Variants in SPATA24 observed in about 807,000 individuals in gnomAD.
SPATA24 encodes spermatogenesis associated 24.
A neutral mutation model predicts 28.9 loss-of-function variants in SPATA24; 21 were observed. The ratio of observed to expected loss-of-function variants is 0.73; its 90% CI spans 0.52 to 1.05. SPATA24 has a LOEUF of 1.05. Ranked by LOEUF, SPATA24 falls within the 50% of genes least tolerant of loss-of-function variation. SPATA24 has a pLI of 0.00. For synonymous variants in SPATA24, 76 were observed against 89.9 expected (o/e 0.85, Z 0.88); for missense variants, 215 against 242.9 (o/e 0.88, Z 0.76).
In SPATA24 at chr5:139,403,971, C is replaced by T. The variant is rs1222031065; in HGVS notation, c.90G>A (p.Glu30=). 1.3e-6 allele frequency: 2 copies of T among 1,551,700 alleles called. No homozygotes were observed. The highest frequency in any genetic ancestry group is 2.7e-5 in the African/African-American group (2 of 73,058). ...CGTTCCTCAGCTGGTGGATTAGTTC[C>T]TCCTGAGACTCAATCACGTCCCGCA... ...DQLRDVIESQ[E]ELIHQLRNVM... The change falls in exon 1 of 6, where the codon GAG becomes GAA. Residue 30 remains glutamate, a synonymous_variant. Coordinates refer to ENST00000450845, the MANE Select transcript of SPATA24 (RefSeq NM_194296.2).
At chr5:139,397,267 C>T (rs545107721) in intron 4 of SPATA24, 124 bp from the exon 5 acceptor site, 3 of 663,504 alleles carry the variant, frequency 4.5e-6, no homozygotes, top group African/African-American at 3.6e-5. Context: ...CCATGAAGAA[C>T]TGCTAATACC....
chr5:139,394,443 G>A (rs1330754935), downstream of SPATA24: 2 of 1,397,012 alleles, frequency 1.4e-6, no homozygotes, highest in East Asian at 2.9e-5. Context: ...GGGGCCGGGG[G>A]CGCAGCTCGA....
At chr5:139,394,028 C>T, downstream of SPATA24, 2 of 1,550,760 alleles carry the variant, frequency 1.3e-6, no homozygotes, top group Non-Finnish European at 8.7e-7. Flanking sequence ...TTCCGCGCCT[C>T]CTGGATCTTC....
At chr5:139,395,045 T>C, downstream of SPATA24, 1 of 1,427,052 alleles carries the variant, frequency 7.0e-7, no homozygotes. Flanking sequence ...TGCCTCGGGA[T>C]CCCAGGCAGG....
intron 4 of SPATA24, among the ~76,000 whole-genome samples, chr5:139,398,435 C>A (rs1434480006): frequency 6.7e-6 from 1 of 150,270 alleles, no homozygotes; most frequent in Non-Finnish European, 1.5e-5. Flanking sequence ...ACTAGCTGGG[C>A]ATGGTGTTGG....
intron 2 of SPATA24, among the ~76,000 whole-genome samples, chr5:139,402,267 G>A (rs1434801746): frequency 6.6e-6 from 1 of 151,052 alleles, no homozygotes; most frequent in Non-Finnish European, 1.5e-5. Context: ...AGGCTGGAGT[G>A]CAGTGGCATG....
Position 139,402,173 on chromosome 5 carries a change from T to A in SPATA24, c.184-128A>T, listed in dbSNP as rs187732321. ...CACAGGGAGATTCTGGCCACCTTGC[T>A]ACAGGGGCTGGAGGTTCTCAGAGGC... is the stretch of plus-strand genomic sequence containing the variant. On this transcript the variant is annotated intron_variant, in intron 2 of 5. Transcript: ENST00000450845. 7.1e-5 allele frequency: 86 copies of A among 1,218,748 alleles called. No individual in the cohort carries two copies. The East Asian group carries it at 2.2e-3, about 31-fold the overall frequency. The allele number at this position is 1,218,748 out of a possible 1,614,324, so 75.5% of individuals were successfully genotyped here.
intron 1 of SPATA24, 60 bp from the exon 2 acceptor site, chr5:139,402,753 G>A: frequency 7.7e-7 from 1 of 1,301,390 alleles, no homozygotes; most frequent in Non-Finnish European, 1.1e-6. Flanking sequence ...CGCCCTCTAG[G>A]GACCAGGACC....
chr5:139,399,208 C>T (rs1353693224), intron 4 of SPATA24, among the ~76,000 whole-genome samples: 1 of 149,964 alleles, frequency 6.7e-6, no homozygotes, highest in Non-Finnish European at 1.5e-5. Context: ...TCCCAGCTAC[C>T]TGGGAGGCTG....
chr5:139,392,675 A>G, downstream of SPATA24: 1 of 1,396,796 alleles, frequency 7.2e-7, no homozygotes. The surrounding 1 kb of genome is among the most constrained non-coding windows in gnomAD (Gnocchi z 5.8). Flanking sequence ...ATCTGAGGGG[A>G]GCCGGGGCGG....
chr5:139,394,416 C>A, downstream of SPATA24: 4 of 1,388,296 alleles, frequency 2.9e-6, no homozygotes, highest in Non-Finnish European at 3.7e-6. Context: ...GCGCGCCGGC[C>A]GCCCTTGGGG....
At position 139,401,318 on chromosome 5, in the gene SPATA24, T is replaced by C; in HGVS notation, c.385+437A>G. 1.4e-5 allele frequency: 7 copies of C among 489,986 alleles called. 1 individual carries two copies. The South Asian group carries it at 2.2e-4, about 15-fold the overall frequency. The allele number at this position is 489,986 out of a possible 1,614,324, so 30.4% of individuals were successfully genotyped here. A position where few individuals can be genotyped will look rare whatever the true frequency, so the allele number is the denominator to read the frequency against. On this transcript the variant is annotated intron_variant, in intron 4 of 5. Transcript: ENST00000450845. ...AGAAAAATAAAAATAACTCTTAGTTTCCATTTTAAAGATCTGGCAATCCTA... is the reference window on the plus strand; with the variant it reads ...AGAAAAATAAAAATAACTCTTAGTTCCCATTTTAAAGATCTGGCAATCCTA...
chr5:139,395,144 G>C, downstream of SPATA24: 3 of 1,354,966 alleles, frequency 2.2e-6, no homozygotes, highest in Non-Finnish European at 2.9e-6. Context: ...CGCCGGCACT[G>C]TCCCCGCCCC....
downstream of SPATA24, chr5:139,394,668 CG>C: frequency 1.3e-6 from 2 of 1,534,882 alleles, no homozygotes; most frequent in Middle Eastern, 1.7e-4. Flanking sequence ...TGATGAAGGC[CG>C]GCTCCGTGAA....
At chr5:139,392,955 G>A, downstream of SPATA24, 1 of 1,508,766 alleles carries the variant, frequency 6.6e-7, no homozygotes, top group Non-Finnish European at 8.9e-7. The surrounding 1 kb of genome is among the most constrained non-coding windows in gnomAD (Gnocchi z 5.8). Flanking sequence ...TGGGCTGTGA[G>A]GCGTCCCGGG....
At chr5:139,394,714 C>T, downstream of SPATA24, 1 of 1,532,720 alleles carries the variant, frequency 6.5e-7, no homozygotes. Flanking sequence ...TGCGCCGGAG[C>T]AGCCGAACAG....
At chr5:139,392,970 C>A, downstream of SPATA24, 1 of 1,504,540 alleles carries the variant, frequency 6.6e-7, no homozygotes, top group Non-Finnish European at 8.9e-7. The surrounding 1 kb of genome is among the most constrained non-coding windows in gnomAD (Gnocchi z 5.8). Flanking sequence ...CCCGGGCGAC[C>A]GTGTCGAAGG....
chr5:139,394,225 C>G, downstream of SPATA24: 1 of 1,548,736 alleles, frequency 6.5e-7, no homozygotes, highest in Non-Finnish European at 8.7e-7. Flanking sequence ...GTGGGTGCTG[C>G]GGGCCGTTTC....
chr5:139,396,493 G>A (rs1284994646), downstream of SPATA24: 1 of 1,198,646 alleles, frequency 8.3e-7, no homozygotes, highest in African/African-American at 1.6e-5. Context: ...GAAGTTTCTG[G>A]TCAGGGCTTC....
Sources: allele counts gnomAD v4.1 joint callset (sites outside exome capture counted in the v4.1 genomes callset), GRCh38; gene constraint gnomAD v4.1.1; non-coding constraint Gnocchi (gnomAD v3.1); transcripts MANE v1.5; gene names NCBI Gene and HGNC (gene_info 2026-07-23, HGNC 2026-07-21).